The following MORC1 variants were observed in gnomAD, a reference collection of about 807,000 sequenced individuals.
MORC1 encodes MORC family CW-type zinc finger 1, also known as MORC family CW-type zinc finger protein 1.
MORC1 carries 59 observed loss-of-function variants against 134.9 expected under a neutral mutation model. That is an observed-to-expected ratio of 0.44 (90% CI 0.35 to 0.54). MORC1 has a LOEUF of 0.54. Ranked by LOEUF, MORC1 falls within the 20% of genes least tolerant of loss-of-function variation. The probability of loss-of-function intolerance (pLI) is 0.00; values close to 1 mark genes in which losing one functional copy is unlikely to be tolerated. For missense variants in MORC1, 947 were observed against 1,134.5 expected (o/e 0.83, Z 2.37); for synonymous variants, 395 against 391.7 (o/e 1.01, Z -0.10).
chr3:109,017,418 T>C (rs999906682), intron 17 of MORC1, among the ~76,000 whole-genome samples: 1 of 152,182 alleles, frequency 6.6e-6, no homozygotes, highest in Non-Finnish European at 1.5e-5. Context: ...ATTAGTGCAC[T>C]AAATTTGCAC....
intron 8 of MORC1, among the ~76,000 whole-genome samples, chr3:109,082,857 G>C (rs1223703122): frequency 2.0e-5 from 3 of 152,160 alleles, no homozygotes; most frequent in Non-Finnish European, 4.4e-5. Context: ...GGGTTAGAAA[G>C]CTTACTCAAA....
rs533921958 is a variant in MORC1, at chr3:108,995,355, T to C, written c.2187+5202A>G. 1.6e-4 allele frequency among the ~76,000 whole-genome samples: 24 copies of C among 152,316 alleles called. No individual in the cohort carries two copies. In the South Asian group the frequency reaches 4.6e-3, roughly 29 times the overall value. On this transcript the variant is annotated intron_variant, in intron 21 of 27. Coordinates refer to ENST00000232603, the MANE Select transcript of MORC1 (RefSeq NM_014429.4). ...CCATCCGGGATTAACTGGGACAAATTTGAACTTTACACATGGGTTTGGAAA... is the reference window on the plus strand; with the variant it reads ...CCATCCGGGATTAACTGGGACAAATCTGAACTTTACACATGGGTTTGGAAA...
intron 24 of MORC1, among the ~76,000 whole-genome samples, chr3:108,977,938 C>T (rs1194789535): frequency 2.0e-5 from 3 of 152,078 alleles, no homozygotes; most frequent in Non-Finnish European, 2.9e-5. Context: ...AGTGCAGTGG[C>T]GCGATCTCAG....
chr3:109,045,909 A>G (rs1342304800), intron 14 of MORC1, among the ~76,000 whole-genome samples: 4 of 152,000 alleles, frequency 2.6e-5, no homozygotes, highest in African/African-American at 9.7e-5. Flanking sequence ...ATGTAGCATC[A>G]TTTTCTCTAG....
At position 108,975,536 on chromosome 3, in the gene MORC1, C is replaced by T. The variant is rs910327348; in HGVS notation, c.2477+3979G>A. Among the ~76,000 whole-genome samples the T allele has an allele frequency of 2.0e-5, 3 of 152,272 alleles. No individual in the cohort carries two copies. The East Asian group carries it at 5.8e-4, about 29-fold the overall frequency. On this transcript the variant is annotated intron_variant, in intron 24 of 27. Coordinates refer to ENST00000232603, the MANE Select transcript of MORC1 (RefSeq NM_014429.4). ...ACATTTCAACAGTTAAGAGCAAGGA[C>T]TGTGAGGTCAGATTGCCAGGGTTCA...
chr3:109,066,674 C>A (rs373815710), intron 9 of MORC1, among the ~76,000 whole-genome samples: 38 of 152,314 alleles, frequency 2.5e-4, no homozygotes, highest in Middle Eastern at 3.4e-3. Context: ...CTTGCTCTTA[C>A]GCATTTGTAT....
At chr3:108,959,237 A>G in intron 27 of MORC1, 117 bp from the exon 28 acceptor site, 2 of 768,894 alleles carry the variant, frequency 2.6e-6, no homozygotes, top group Non-Finnish European at 3.9e-6. Context: ...AAGCCACCTT[A>G]CATTTGAATC....
At chr3:109,102,811 AC>A (rs1950954630) in intron 4 of MORC1, among the ~76,000 whole-genome samples, 1 of 152,200 alleles carries the variant, frequency 6.6e-6, no homozygotes, top group South Asian at 2.1e-4. Context: ...GTGAAAAATT[AC>A]TTTTTTCAGC....
chr3:109,023,324 C>A (rs978923036), intron 17 of MORC1, among the ~76,000 whole-genome samples: 30 of 152,188 alleles, frequency 2.0e-4, no homozygotes, highest in African/African-American at 7.2e-4. Flanking sequence ...CAACTAGTGT[C>A]AGATTATAGA....
At chr3:109,081,340 A>G (rs1950515755) in intron 8 of MORC1, among the ~76,000 whole-genome samples, 1 of 152,178 alleles carries the variant, frequency 6.6e-6, no homozygotes, top group Non-Finnish European at 1.5e-5. Context: ...AAAAACAAAT[A>G]GACAGTGCCA....
At chr3:108,985,241 T>C (rs1947865463) in intron 22 of MORC1, among the ~76,000 whole-genome samples, 1 of 152,216 alleles carries the variant, frequency 6.6e-6, no homozygotes, top group Non-Finnish European at 1.5e-5. Flanking sequence ...TAGAGTCATT[T>C]AGTTAGTCTT....
chr3:108,969,862 A>C, intron 25 of MORC1, 140 bp from the exon 26 acceptor site: 1 of 667,342 alleles, frequency 1.5e-6, no homozygotes, highest in South Asian at 2.1e-5. Context: ...TGGGCCTTTT[A>C]AGTCTGGGTC....
intron 14 of MORC1, among the ~76,000 whole-genome samples, chr3:109,052,122 C>T (rs1299978453): frequency 6.6e-6 from 1 of 152,150 alleles, no homozygotes; most frequent in Non-Finnish European, 1.5e-5. Context: ...GTCATACTAG[C>T]AGTTAAAGAC....
intron 14 of MORC1, among the ~76,000 whole-genome samples, chr3:109,047,680 T>C (rs1236824192): frequency 1.3e-5 from 2 of 152,162 alleles, no homozygotes; most frequent in Non-Finnish European, 2.9e-5. Flanking sequence ...AAAATGTCTA[T>C]ATCATATTTT....
At chr3:109,072,919 A>G (rs1206903470) in intron 8 of MORC1, among the ~76,000 whole-genome samples, 1 of 146,700 alleles carries the variant, frequency 6.8e-6, no homozygotes, top group Non-Finnish European at 1.5e-5. Context: ...AGGAAGAGAC[A>G]GAACAATCTC....
At chr3:109,043,998 G>C (rs929704074) in intron 14 of MORC1, among the ~76,000 whole-genome samples, 1 of 152,098 alleles carries the variant, frequency 6.6e-6, no homozygotes, top group Non-Finnish European at 1.5e-5. Context: ...ACTACAAAGA[G>C]TAGATGGCTG....
intron 14 of MORC1, among the ~76,000 whole-genome samples, chr3:109,047,984 G>A (rs7626262): frequency 0.26 from 39,236 of 152,030 alleles, 5,265 homozygotes; most frequent in Middle Eastern, 0.43. Flanking sequence ...TACCACCTAT[G>A]AAACATCTTG....
intron 14 of MORC1, among the ~76,000 whole-genome samples, chr3:109,043,188 TGGGGG>T (rs112162969): frequency 1.8e-5 from 1 of 55,570 alleles, no homozygotes; most frequent in African/African-American, 1.0e-4. Context: ...TGGCAAAATG[TGGGGG>T]GGGGGGGGTG....
chr3:109,051,289 T>C (rs1271272324), intron 14 of MORC1, among the ~76,000 whole-genome samples: 1 of 152,228 alleles, frequency 6.6e-6, no homozygotes, highest in Non-Finnish European at 1.5e-5. Context: ...CACATCAGAC[T>C]TTCAGCAAAT....
Sources: allele counts gnomAD v4.1 joint callset (sites outside exome capture counted in the v4.1 genomes callset), GRCh38; gene constraint gnomAD v4.1.1; transcripts MANE v1.5; gene names NCBI Gene and HGNC (gene_info 2026-07-23, HGNC 2026-07-21).